PTPRQ: variants seen among roughly 807,000 people sequenced by gnomAD.
PTPRQ encodes the protein protein tyrosine phosphatase receptor type Q.
A neutral mutation model predicts 246.0 loss-of-function variants in PTPRQ; 199 were observed. That is an observed-to-expected ratio of 0.81 (90% CI 0.72 to 0.91). The LOEUF is 0.91. Ranked by LOEUF, PTPRQ falls within the 40% of genes least tolerant of loss-of-function variation. PTPRQ has a pLI of 0.00. For synonymous variants in PTPRQ, 869 were observed against 853.2 expected (o/e 1.02, Z -0.32); for missense variants, 2,624 against 2,528.4 (o/e 1.04, Z -0.81).
chr12:80,636,832 T>C (rs1198585495), intron 35 of PTPRQ, among the ~76,000 whole-genome samples: 1 of 152,172 alleles, frequency 6.6e-6, no homozygotes, highest in African/African-American at 2.4e-5. Flanking sequence ...AAACAGTCAA[T>C]ATTGGAGAAA....
At chr12:80,541,267 A>G (rs928721701) in intron 20 of PTPRQ, among the ~76,000 whole-genome samples, 20 of 152,130 alleles carry the variant, frequency 1.3e-4, no homozygotes, top group African/African-American at 4.8e-4. Flanking sequence ...TTATGCACAC[A>G]CACGCACACA....
At chr12:80,508,199 C>G (rs1895022239) in intron 16 of PTPRQ, among the ~76,000 whole-genome samples, 1 of 151,914 alleles carries the variant, frequency 6.6e-6, no homozygotes, top group South Asian at 2.1e-4. Flanking sequence ...GAACAAGACT[C>G]CCTTGTTGAA....
intron 5 of PTPRQ, 145 bp downstream of exon 5, chr12:80,459,628 A>G: frequency 2.5e-6 from 1 of 394,316 alleles, no homozygotes; most frequent in Non-Finnish European, 4.5e-6. Flanking sequence ...ACAACGTTTT[A>G]TTATTTGATT....
At chr12:80,526,420 A>G (rs1216751468) in intron 17 of PTPRQ, among the ~76,000 whole-genome samples, 1 of 152,200 alleles carries the variant, frequency 6.6e-6, no homozygotes, top group African/African-American at 2.4e-5. Flanking sequence ...TTATGTGGGT[A>G]TAGAATTGGA....
chr12:80,494,820 G>A (rs371790118), intron 10 of PTPRQ, 113 bp from the exon 11 acceptor site: 1 of 1,105,006 alleles, frequency 9.0e-7, no homozygotes, highest in African/African-American at 1.6e-5. Flanking sequence ...TGCATGGAGA[G>A]ATTAATGAAT....
chr12:80,582,047 A>G (rs1879225348), intron 25 of PTPRQ, among the ~76,000 whole-genome samples: 1 of 152,220 alleles, frequency 6.6e-6, no homozygotes, highest in South Asian at 2.1e-4. Flanking sequence ...ATTATCCTAC[A>G]GATTTACTCA....
chr12:80,640,879 A>G (rs1310052523), intron 35 of PTPRQ, among the ~76,000 whole-genome samples: 4 of 152,138 alleles, frequency 2.6e-5, no homozygotes. Flanking sequence ...CTGTGTTCTC[A>G]TGTTGTGTTA....
chr12:80,644,027 C>G (rs796614837), intron 35 of PTPRQ, among the ~76,000 whole-genome samples: 81 of 152,324 alleles, frequency 5.3e-4, no homozygotes, highest in African/African-American at 1.9e-3. Flanking sequence ...TGAAGCTGCT[C>G]AGCTATAGGT....
rs1466380318 is a variant in PTPRQ at position 80,635,177 on chromosome 12, A to G, written c.5915+104A>G. 6.3e-6 allele frequency: 9 copies of G among 1,435,054 alleles called. No homozygotes were observed. The African/African-American group carries it at 1.2e-4, about 19-fold the overall frequency. The allele number at this position is 1,435,054 out of a possible 1,614,324, so 88.9% of individuals were successfully genotyped here. On this transcript the variant is annotated intron_variant, in intron 35 of 44. Transcript: ENST00000644991. ...GTGTTTGTGGGGCTCTAATTTACAC[A>G]GGTCACAGAGATCTTCTTTCAAAGA...
intron 17 of PTPRQ, among the ~76,000 whole-genome samples, chr12:80,529,260 G>A (rs1403572355): frequency 3.4e-4 from 51 of 152,166 alleles, no homozygotes; most frequent in Non-Finnish European, 8.8e-5. Flanking sequence ...GTAAGTGAGT[G>A]TTCACATTCT....
intron 6 of PTPRQ, among the ~76,000 whole-genome samples, chr12:80,466,244 C>A (rs1217883581): frequency 6.6e-6 from 1 of 152,166 alleles, no homozygotes; most frequent in African/African-American, 2.4e-5. Context: ...CATGAGTGAA[C>A]TCCCATTCAC....
chr12:80,629,352 A>T (rs1009970550), intron 33 of PTPRQ, among the ~76,000 whole-genome samples: 1 of 152,136 alleles, frequency 6.6e-6, no homozygotes, highest in African/African-American at 2.4e-5. Context: ...TTTGGGGGAA[A>T]CACATGTATT....
At chr12:80,652,867 G>C (rs1266586827) in intron 38 of PTPRQ, 33 bp downstream of exon 38, 2 of 1,430,064 alleles carry the variant, frequency 1.4e-6, no homozygotes, top group Non-Finnish European at 1.8e-6. Flanking sequence ...GTTTAGCTAG[G>C]AAATATTTTT....
chr12:80,565,960 G>T (rs1302165681), intron 25 of PTPRQ, among the ~76,000 whole-genome samples: 1 of 152,034 alleles, frequency 6.6e-6, no homozygotes, highest in Non-Finnish European at 1.5e-5. Flanking sequence ...ATTCAAATAA[G>T]GTAAAAGTAG....
At position 80,580,051 on chromosome 12, in the gene PTPRQ, C is replaced by T. The variant is rs1005621959; in HGVS notation, c.4286-8078C>T. ...TCAATGAGAAGTCAATACAAAACTA[C>T]CTTCACAATCCTATCAGGAGAGTTT... On this transcript the variant is annotated intron_variant, in intron 25 of 44. Coordinates refer to ENST00000644991, the MANE Select transcript of PTPRQ (RefSeq NM_001145026.2). Among the ~76,000 whole-genome samples the T allele has an allele frequency of 2.6e-5, 4 of 152,072 alleles. No individual in the cohort carries two copies. The East Asian group carries it at 7.7e-4, about 29-fold the overall frequency.
chr12:80,579,108 G>A lies in PTPRQ; in HGVS notation c.4286-9021G>A, dbSNP rs376080758. ...ATTATTTTTAACCTACCAGATCATT[G>A]TAATCTATGTTGTGCTTTATATGTA... is the stretch of plus-strand genomic sequence containing the variant. On this transcript the variant is annotated intron_variant, in intron 25 of 44. Coordinates refer to ENST00000644991, the MANE Select transcript of PTPRQ (RefSeq NM_001145026.2). 8.2e-4 allele frequency among the ~76,000 whole-genome samples: 125 copies of A among 152,046 alleles called. 3 individuals are homozygous for A. The South Asian group carries it at 0.023, about 28-fold the overall frequency.
intron 19 of PTPRQ, 52 bp downstream of exon 19, chr12:80,535,089 A>G (rs1041720490): frequency 3.3e-5 from 48 of 1,433,834 alleles, no homozygotes; most frequent in Non-Finnish European, 4.3e-5. Flanking sequence ...AAGTTTTATT[A>G]ATAATACAGA....
intron 25 of PTPRQ, among the ~76,000 whole-genome samples, chr12:80,565,535 T>A (rs1454929106): frequency 6.6e-6 from 1 of 152,218 alleles, no homozygotes; most frequent in African/African-American, 2.4e-5. Context: ...TTAAGTAAAT[T>A]AAGCATGTGT....
At chr12:80,581,979 G>C (rs376012079) in intron 25 of PTPRQ, among the ~76,000 whole-genome samples, 55 of 152,222 alleles carry the variant, frequency 3.6e-4, no homozygotes, top group African/African-American at 1.2e-3. Context: ...CCTTTCTGGA[G>C]TGTGATTTAG....
Sources: allele counts gnomAD v4.1 joint callset (sites outside exome capture counted in the v4.1 genomes callset), GRCh38; gene constraint gnomAD v4.1.1; transcripts MANE v1.5; gene names NCBI Gene and HGNC (gene_info 2026-07-23, HGNC 2026-07-21).